Variants in CDH18 observed in about 807,000 individuals in gnomAD.
CDH18 encodes the protein cadherin-18.
Under a neutral mutation model 67.9 loss-of-function variants are expected in CDH18, and 31 were observed. The ratio of observed to expected loss-of-function variants is 0.46; its 90% CI spans 0.34 to 0.62. The LOEUF is 0.62. Ranked by LOEUF, CDH18 falls within the 20% of genes least tolerant of loss-of-function variation. The pLI is 0.01. For synonymous variants in CDH18, 362 were observed against 347.2 expected (o/e 1.04, Z -0.48); for missense variants, 890 against 975.5 (o/e 0.91, Z 1.17).
intron 2 of CDH18, among the ~76,000 whole-genome samples, chr5:20,013,836 T>C (rs1174354489): frequency 2.6e-5 from 4 of 152,162 alleles, no homozygotes. Context: ...TCACTTTGTT[T>C]GTTCTTTTTA....
At position 19,645,694 on chromosome 5, in the gene CDH18, G is replaced by A. The variant is rs186451909; in HGVS notation, c.644-33093C>T. ...TCAGTGCTGAATAAGCACGTCCTAA[G>A]GCAGAAAGGAAACACAAGAAAGATG... On this transcript the variant is annotated intron_variant, in intron 5 of 12. Coordinates refer to ENST00000382275, the MANE Select transcript of CDH18 (RefSeq NM_004934.5). Among the ~76,000 whole-genome samples, 328 of 152,220 alleles carry A rather than the reference G, an allele frequency of 2.2e-3. 1 individual carries two copies. The highest frequency in any genetic ancestry group is 7.4e-3 in the African/African-American group (309 of 41,534).
chr5:19,493,814 G>T (rs347723), intron 11 of CDH18, among the ~76,000 whole-genome samples: 83,435 of 151,756 alleles, frequency 0.55, 23,790 homozygotes, highest in African/African-American at 0.71. Context: ...TCATCTTATT[G>T]TCATTTGGCA....
chr5:20,171,605 T>C (rs1255644763), intron 2 of CDH18, among the ~76,000 whole-genome samples: 1 of 152,114 alleles, frequency 6.6e-6, no homozygotes, highest in Non-Finnish European at 1.5e-5. Flanking sequence ...CTCTTACAGA[T>C]GCTGGATTTA....
At chr5:19,809,314 C>A (rs996121455) in intron 3 of CDH18, among the ~76,000 whole-genome samples, 1 of 152,036 alleles carries the variant, frequency 6.6e-6, no homozygotes, top group Admixed American at 6.6e-5. Context: ...GCTCTAGGCA[C>A]CAATAATTTG....
At chr5:19,835,570 T>G (rs1781535651) in intron 3 of CDH18, among the ~76,000 whole-genome samples, 2 of 152,148 alleles carry the variant, frequency 1.3e-5, no homozygotes, top group Admixed American at 6.6e-5. Flanking sequence ...GTTAAATTAA[T>G]TTTCTAAGCA....
At chr5:20,370,340 T>C (rs1208411153) in intron 1 of CDH18, among the ~76,000 whole-genome samples, 2 of 152,182 alleles carry the variant, frequency 1.3e-5, no homozygotes. Context: ...AATTGATTTA[T>C]GTTTGTTAGC....
chr5:20,249,876 A>G (rs1561911868), intron 2 of CDH18, among the ~76,000 whole-genome samples: 1 of 152,212 alleles, frequency 6.6e-6, no homozygotes, highest in Non-Finnish European at 1.5e-5. Flanking sequence ...AACATTCTTC[A>G]GAAACGAAAG....
chr5:20,425,169 C>T (rs1160487143), intron 1 of CDH18, among the ~76,000 whole-genome samples: 2 of 150,794 alleles, frequency 1.3e-5, no homozygotes, highest in African/African-American at 2.5e-5. Flanking sequence ...AGTTTGAGTC[C>T]AGCCTGACCA....
chr5:20,512,700 A>G (rs1755117531), intron 1 of CDH18, among the ~76,000 whole-genome samples: 1 of 152,052 alleles, frequency 6.6e-6, no homozygotes, highest in Admixed American at 6.6e-5. Flanking sequence ...CCTGGCCAAT[A>G]TAGTGAAACC....
intron 1 of CDH18, among the ~76,000 whole-genome samples, chr5:20,493,865 G>A (rs1023117266): frequency 6.6e-6 from 1 of 151,862 alleles, no homozygotes; most frequent in African/African-American, 2.4e-5. Context: ...GTTACATCGG[G>A]TCTGACTATT....
At chr5:20,141,345 G>A (rs1275975211) in intron 2 of CDH18, among the ~76,000 whole-genome samples, 4 of 152,140 alleles carry the variant, frequency 2.6e-5, no homozygotes, top group Admixed American at 2.6e-4. Context: ...AAGGATAATA[G>A]TAAAGCATCC....
Position 20,136,104 on chromosome 5 carries a change from AGG to A in CDH18, c.-518+119338_-518+119339del, listed in dbSNP as rs1580323400. Among the ~76,000 whole-genome samples the A allele has an allele frequency of 2.0e-5, 3 of 152,332 alleles. No individual in the cohort carries two copies. In the East Asian group the frequency reaches 5.8e-4, roughly 29 times the overall value. On this transcript the variant is annotated intron_variant, in intron 2 of 14. Transcript: ENST00000507958. Reference sequence around the variant, plus strand: ...GTGGAGAGTTCTGTAGATGTCTATTAGGTCTGCTTATTGCAGAGCTGAGTTCA... The same window carrying A: ...GTGGAGAGTTCTGTAGATGTCTATTATCTGCTTATTGCAGAGCTGAGTTCA...
At chr5:20,055,739 T>C (rs182298908) in intron 2 of CDH18, among the ~76,000 whole-genome samples, 87 of 152,298 alleles carry the variant, frequency 5.7e-4, no homozygotes, top group Non-Finnish European at 6.0e-4. Flanking sequence ...TCATCCCTTA[T>C]TGAGTTAGCA....
At chr5:20,120,568 A>G (rs1748274352) in intron 2 of CDH18, among the ~76,000 whole-genome samples, 1 of 152,176 alleles carries the variant, frequency 6.6e-6, no homozygotes, top group Non-Finnish European at 1.5e-5. Flanking sequence ...GGGAGTCTGT[A>G]TTACTAAACT....
At chr5:20,290,524 C>G (rs775460415) in intron 1 of CDH18, among the ~76,000 whole-genome samples, 1 of 152,198 alleles carries the variant, frequency 6.6e-6, no homozygotes, top group East Asian at 1.9e-4. Context: ...TTGCATACCT[C>G]AAAGAATGAA....
chr5:20,203,470 T>C (rs79310687), intron 2 of CDH18, among the ~76,000 whole-genome samples: 1,678 of 152,138 alleles, frequency 0.011, 30 homozygotes, highest in African/African-American at 0.038. Flanking sequence ...CCTTTGGGAC[T>C]TCCCATGAAA....
At chr5:20,172,313 A>G (rs1229213018) in intron 2 of CDH18, among the ~76,000 whole-genome samples, 4 of 145,392 alleles carry the variant, frequency 2.8e-5, no homozygotes, top group African/African-American at 1.0e-4. Flanking sequence ...GCAAATCTAC[A>G]TTACCAGTAC....
chr5:19,573,500 G>C (rs1275510396), intron 7 of CDH18, among the ~76,000 whole-genome samples: 1 of 152,048 alleles, frequency 6.6e-6, no homozygotes. Context: ...GGATGGTCTC[G>C]ATCTCCTGAC....
chr5:19,494,637 A>ATAAC (rs1228003139), intron 11 of CDH18, among the ~76,000 whole-genome samples: 3 of 152,220 alleles, frequency 2.0e-5, no homozygotes, highest in African/African-American at 7.2e-5. Flanking sequence ...CTAATTCATA[A>ATAAC]TAACTGCCTC....
Sources: gnomAD v4.1 joint callset for allele counts (sites outside exome capture counted in the v4.1 genomes callset) on GRCh38, gnomAD v4.1.1 for gene constraint, MANE v1.5 for transcripts, NCBI Gene and HGNC (gene_info 2026-07-23, HGNC 2026-07-21) for gene names.